The following PCDH11X variants were observed in gnomAD, a reference collection of about 807,000 sequenced individuals.
PCDH11X encodes protocadherin-11 X-linked.
In PCDH11X, 18 loss-of-function variants were observed where a neutral mutation model predicts 53.3. That is an observed-to-expected ratio of 0.34 (90% CI 0.23 to 0.50). The LOEUF is 0.50. Among genes scored for constraint, PCDH11X ranks in the 20% least tolerant of loss-of-function variants. PCDH11X has a pLI of 0.98. For missense variants in PCDH11X, 570 were observed against 1,032.4 expected (o/e 0.55, Z 6.14); for synonymous variants, 279 against 393.3 (o/e 0.71, Z 3.44).
At chrX:91,991,355 T>TC (rs1012832820) in intron 6 of PCDH11X, among the ~76,000 whole-genome samples, 1 of 82,936 alleles carries the variant, frequency 1.2e-5, no homozygotes, top group African/African-American at 4.9e-5. Context: ...AGACTTTCTT[T>TC]TTTTTTTTTT....
rs911816122 is a variant in PCDH11X, at chrX:92,621,228, A to G, written c.*2288A>G. 1 of 103,331 alleles carries G rather than the reference A, an allele frequency of 9.7e-6. No homozygotes were observed. Among genetic ancestry groups the G allele is most frequent in the African/African-American group, 3.7e-5 (1 of 26,850 alleles). The allele number at this position is 103,331 out of a possible 1,213,427, so 8.5% of individuals were successfully genotyped here. ...ATTAAATAACTTATCAGGCATCTCA[A>G]TGGTTACTATCTATGTTAGTGAAAA... On this transcript the variant is annotated 3_prime_UTR_variant, in exon 11 of 11. Coordinates refer to ENST00000682573, the MANE Select transcript of PCDH11X (RefSeq NM_032968.5).
chrX:92,492,561 C>T (rs2073784950), intron 10 of PCDH11X, among the ~76,000 whole-genome samples: 1 of 111,364 alleles, frequency 9.0e-6, no homozygotes, highest in African/African-American at 3.3e-5. Flanking sequence ...ATTTTTTGTG[C>T]ATTAATGAGC....
At chrX:92,132,647 ATATATATATGTATATATATATGTATATG>A (rs1419769551) in intron 6 of PCDH11X, among the ~76,000 whole-genome samples, 5 of 57,048 alleles carry the variant, frequency 8.8e-5, no homozygotes, top group Admixed American at 2.8e-4. Context: ...ATATATATAT[ATATATATATGTATATATATATGTATATG>A]TATATATATA....
At chrX:92,479,365 G>T (rs1260051407) in intron 10 of PCDH11X, among the ~76,000 whole-genome samples, 15 of 110,287 alleles carry the variant, frequency 1.4e-4, no homozygotes, top group Non-Finnish European at 1.9e-4. Flanking sequence ...TACATTCAAG[G>T]TTAGTACTGA....
intron 9 of PCDH11X, among the ~76,000 whole-genome samples, chrX:92,438,680 G>C (rs2072445686): frequency 9.0e-6 from 1 of 111,415 alleles, no homozygotes; most frequent in African/African-American, 3.3e-5. Context: ...CACAGAGAAG[G>C]AGTTGAACCA....
chrX:92,275,721 A>G (rs1464542832), intron 8 of PCDH11X, among the ~76,000 whole-genome samples: 2 of 111,571 alleles, frequency 1.8e-5, no homozygotes. Context: ...GGGGAATGGT[A>G]AGGAGAGTTT....
At chrX:91,791,461 A>G (rs1204778329) in intron 1 of PCDH11X, among the ~76,000 whole-genome samples, 4 of 107,346 alleles carry the variant, frequency 3.7e-5, no homozygotes, top group Non-Finnish European at 1.9e-5. Context: ...AAACAACCAG[A>G]ACTCGTGAGA....
At chrX:91,886,100 T>C (rs1326316084) in intron 6 of PCDH11X, among the ~76,000 whole-genome samples, 1 of 112,172 alleles carries the variant, frequency 8.9e-6, no homozygotes, top group Non-Finnish European at 1.9e-5. Context: ...AAAATATTTA[T>C]TTCCTTACTT....
chrX:92,467,253 A>G (rs1161715972), intron 9 of PCDH11X, among the ~76,000 whole-genome samples: 2 of 111,588 alleles, frequency 1.8e-5, no homozygotes, highest in South Asian at 3.7e-4. Context: ...GTGTTGTACA[A>G]TGCTCTTTTA....
intron 9 of PCDH11X, among the ~76,000 whole-genome samples, chrX:92,443,678 A>G (rs760534670): frequency 9.0e-6 from 1 of 110,613 alleles, no homozygotes. Context: ...TAAACCTTCA[A>G]CTTATCTTGA....
chrX:92,555,383 A>T (rs182393537), intron 10 of PCDH11X, among the ~76,000 whole-genome samples: 19 of 112,018 alleles, frequency 1.7e-4, no homozygotes, highest in Admixed American at 9.5e-4. Flanking sequence ...TAAAAAAATT[A>T]GGTTTATGAT....
intron 8 of PCDH11X, among the ~76,000 whole-genome samples, chrX:92,326,181 G>A (rs1348013898): frequency 2.7e-5 from 3 of 109,550 alleles, no homozygotes; most frequent in African/African-American, 1.0e-4. Context: ...GAAATGGTTG[G>A]AAACTGGCAA....
intron 6 of PCDH11X, among the ~76,000 whole-genome samples, chrX:91,935,743 A>G (rs1569265112): frequency 9.1e-6 from 1 of 110,195 alleles, no homozygotes; most frequent in Non-Finnish European, 1.9e-5. Flanking sequence ...TATACATTTT[A>G]GGGAGACATA....
chrX:92,189,810 G>A (rs2031007287), intron 6 of PCDH11X, among the ~76,000 whole-genome samples: 1 of 111,992 alleles, frequency 8.9e-6, no homozygotes, highest in African/African-American at 3.2e-5. Context: ...TTTCTCTAAT[G>A]ATAAGTGATG....
At chrX:92,513,661 G>C (rs1271253718) in intron 10 of PCDH11X, among the ~76,000 whole-genome samples, 13 of 110,499 alleles carry the variant, frequency 1.2e-4, no homozygotes, top group Non-Finnish European at 2.3e-4. Context: ...TTTTCAATTT[G>C]AAAAGTACTT....
At chrX:92,534,900 G>T (rs1255130464) in intron 10 of PCDH11X, among the ~76,000 whole-genome samples, 1 of 111,631 alleles carries the variant, frequency 9.0e-6, no homozygotes, top group Non-Finnish European at 1.9e-5. Context: ...GCTCCTGAAG[G>T]AAGCACTAAA....
rs1453799074 is a variant in PCDH11X at position 92,412,505 on chromosome X, AATAGTATATAT to A, written c.3343+24576_3343+24586del. ...AAAATTTGATGATCAAAATAAAGAAAATAGTATATATATATATATATATATATATATATATA... is the reference window on the plus strand; with the variant it reads ...AAAATTTGATGATCAAAATAAAGAAAATATATATATATATATATATATATA... On this transcript the variant is annotated intron_variant, in intron 9 of 10. Transcript: ENST00000682573. Among the ~76,000 whole-genome samples, 548 of 63,238 alleles carry A rather than the reference AATAGTATATAT, an allele frequency of 8.7e-3. 6 individuals carry two copies. Among genetic ancestry groups the A allele is most frequent in the Middle Eastern group, 0.053 (7 of 133 alleles). The allele number at this position is 63,238 out of a possible 115,157, so 54.9% of individuals were successfully genotyped here. A position where few individuals can be genotyped will look rare whatever the true frequency, so the allele number is the denominator to read the frequency against.
At chrX:92,268,954 C>T (rs2067893041) in intron 8 of PCDH11X, among the ~76,000 whole-genome samples, 1 of 112,339 alleles carries the variant, frequency 8.9e-6, no homozygotes, top group South Asian at 3.7e-4. Flanking sequence ...TTTTGTTTTA[C>T]ATCTTTGTAT....
intron 8 of PCDH11X, among the ~76,000 whole-genome samples, chrX:92,373,907 T>C (rs2070682964): frequency 9.0e-6 from 1 of 111,395 alleles, no homozygotes; most frequent in Non-Finnish European, 1.9e-5. Flanking sequence ...AATGAAATTG[T>C]ATCCTATTTT....
Sources: allele counts gnomAD v4.1 joint callset (sites outside exome capture counted in the v4.1 genomes callset), GRCh38; gene constraint gnomAD v4.1.1; transcripts MANE v1.5; gene names NCBI Gene and HGNC (gene_info 2026-07-23, HGNC 2026-07-21).